Variants in GPHN observed in about 807,000 individuals in gnomAD.
GPHN encodes gephyrin.
GPHN carries 17 observed loss-of-function variants against 95.5 expected under a neutral mutation model. The observed-to-expected ratio is 0.18, with a 90% CI of 0.12 to 0.27. The LOEUF is 0.27. Ranked by LOEUF, GPHN falls within the 10% of genes least tolerant of loss-of-function variation. The pLI, the probability that GPHN is intolerant of heterozygous loss-of-function variation, is 1.00. For synonymous variants in GPHN, 320 were observed against 322.5 expected, an observed-to-expected ratio of 0.99 and a Z score of 0.08; for missense variants, 660 against 978.1, an observed-to-expected ratio of 0.67 and a Z score of 4.34.
At chr14:67,612,279 C>T in the GPHN span, among the ~76,000 whole-genome samples, 1 of 152,068 alleles carries the variant, frequency 6.6e-6, no homozygotes, top group Non-Finnish European at 1.5e-5. Context: ...CCATAGGAAG[C>T]TGGGGAATTT....
the GPHN span, among the ~76,000 whole-genome samples, chr14:67,211,515 A>G: frequency 6.6e-6 from 1 of 152,250 alleles, no homozygotes; most frequent in Non-Finnish European, 1.5e-5. Flanking sequence ...TTAATAGGTG[A>G]CAATGACCAT....
chr14:66,529,849 C>T (rs1270908568), intron 1 of GPHN, among the ~76,000 whole-genome samples: 2 of 152,152 alleles, frequency 1.3e-5, no homozygotes, highest in Non-Finnish European at 2.9e-5. Context: ...AGCTTCATCC[C>T]AGAGGGGCAC....
At chr14:66,940,864 C>G (rs893855623) in intron 8 of GPHN, among the ~76,000 whole-genome samples, 1 of 152,116 alleles carries the variant, frequency 6.6e-6, no homozygotes, top group Admixed American at 6.5e-5. Flanking sequence ...GAATTGAGTC[C>G]TCCTCCAACA....
chr14:67,298,510 C>T, the GPHN span, among the ~76,000 whole-genome samples: 24 of 131,510 alleles, frequency 1.8e-4, no homozygotes, highest in South Asian at 2.4e-4. Flanking sequence ...AGTGAAACTC[C>T]GTCTCAAAAA....
At chr14:67,177,000 T>C (rs542472543) in intron 21 of GPHN, among the ~76,000 whole-genome samples, 16 of 152,326 alleles carry the variant, frequency 1.1e-4, no homozygotes, top group South Asian at 4.1e-4. Flanking sequence ...AGAGTCTATC[T>C]ATTTTGTTGA....
the GPHN span, among the ~76,000 whole-genome samples, chr14:67,436,086 G>A: frequency 0.012 from 1,901 of 152,332 alleles, 15 homozygotes; most frequent in Middle Eastern, 0.02. Flanking sequence ...TGCCACCGTA[G>A]CTCTACTTCC....
the GPHN span, among the ~76,000 whole-genome samples, chr14:67,195,727 G>GTA: frequency 6.6e-6 from 1 of 151,140 alleles, no homozygotes; most frequent in Admixed American, 6.6e-5. Context: ...GTGTGTGTGT[G>GTA]TGTGTGTGTG....
chr14:67,082,143 G>A (rs2076719176), intron 11 of GPHN, among the ~76,000 whole-genome samples: 1 of 152,066 alleles, frequency 6.6e-6, no homozygotes, highest in Admixed American at 6.6e-5. Flanking sequence ...AAGAATGGTG[G>A]TGGTATTTTG....
intron 2 of GPHN, among the ~76,000 whole-genome samples, chr14:66,686,047 A>G (rs1347513164): frequency 6.6e-6 from 1 of 152,204 alleles, no homozygotes; most frequent in Non-Finnish European, 1.5e-5. Context: ...GTCAAAGATC[A>G]GATGGTTGTA....
chr14:67,474,878 G>A, the GPHN span, among the ~76,000 whole-genome samples: 7 of 149,280 alleles, frequency 4.7e-5, no homozygotes, highest in African/African-American at 1.7e-4. Flanking sequence ...TGTCTTTAAG[G>A]TTCATCCATG....
At chr14:66,674,098 C>CT (rs1398257050) in intron 1 of GPHN, among the ~76,000 whole-genome samples, 1 of 130,152 alleles carries the variant, frequency 7.7e-6, no homozygotes, top group Non-Finnish European at 1.5e-5. Flanking sequence ...TCCTATTTTT[C>CT]TTTTCTTTTT....
intron 6 of GPHN, among the ~76,000 whole-genome samples, chr14:66,916,346 C>T (rs1487423257): frequency 6.6e-6 from 1 of 152,110 alleles, no homozygotes; most frequent in Admixed American, 6.6e-5. Flanking sequence ...AGGAATACTA[C>T]CAAACACAGA....
the GPHN span, chr14:67,690,344 G>A: frequency 6.2e-7 from 1 of 1,614,170 alleles, no homozygotes; most frequent in Non-Finnish European, 8.5e-7. Context: ...TGATGTGCGA[G>A]GGAAGACACA....
At chr14:66,696,278 G>C (rs1182685502) in intron 2 of GPHN, among the ~76,000 whole-genome samples, 2 of 152,162 alleles carry the variant, frequency 1.3e-5, no homozygotes, top group African/African-American at 4.8e-5. Context: ...TTTAAAGTCT[G>C]CTCAATTTTG....
chr14:66,636,409 A>C (rs1858639854), intron 1 of GPHN, among the ~76,000 whole-genome samples: 1 of 152,176 alleles, frequency 6.6e-6, no homozygotes, highest in Admixed American at 6.5e-5. Context: ...TATCACCTAA[A>C]AAAGTTAATG....
chr14:67,179,533 T>A (rs1175130634), intron 21 of GPHN, 45 bp from the exon 22 acceptor site: 1 of 1,067,392 alleles, frequency 9.4e-7, no homozygotes, highest in South Asian at 1.3e-5. Flanking sequence ...TTTTGTGAGA[T>A]GATCAGGTGA....
At chr14:66,909,709 T>C (rs919164390) in intron 5 of GPHN, among the ~76,000 whole-genome samples, 1 of 152,012 alleles carries the variant, frequency 6.6e-6, no homozygotes, top group Non-Finnish European at 1.5e-5. Flanking sequence ...ATATTGTTAG[T>C]ATTCTCTTTA....
At chr14:66,637,548 G>A (rs1201816117) in intron 1 of GPHN, among the ~76,000 whole-genome samples, 1 of 151,942 alleles carries the variant, frequency 6.6e-6, no homozygotes, top group African/African-American at 2.4e-5. Flanking sequence ...TTTATTCTTT[G>A]AGTTTCAGGA....
chr14:67,433,030 T>C, the GPHN span, among the ~76,000 whole-genome samples: 10 of 152,200 alleles, frequency 6.6e-5, no homozygotes, highest in Non-Finnish European at 1.5e-4. Flanking sequence ...GGAGACACCA[T>C]TCAACGTAGT....
Sources: gnomAD v4.1 joint callset for allele counts (sites outside exome capture counted in the v4.1 genomes callset) on GRCh38, gnomAD v4.1.1 for gene constraint, MANE v1.5 for transcripts, NCBI Gene and HGNC (gene_info 2026-07-23, HGNC 2026-07-21) for gene names.